The following SLC25A21 variants were observed in gnomAD, a reference collection of about 807,000 sequenced individuals.
The protein encoded by SLC25A21 is solute carrier family 25 member 21, also known as mitochondrial 2-oxodicarboxylate carrier.
In SLC25A21, 47 loss-of-function variants were observed where a neutral mutation model predicts 43.8. The ratio of observed to expected loss-of-function variants is 1.07; its 90% CI spans 0.85 to 1.37. The LOEUF (loss-of-function observed/expected upper bound fraction) is 1.37, where lower values mean the gene tolerates loss of function less well. Ranked by LOEUF, SLC25A21 falls within the 40% of genes most tolerant of loss-of-function variation. SLC25A21 has a pLI of 0.00. For synonymous variants in SLC25A21, 131 were observed against 121.3 expected (o/e 1.08, Z -0.52); for missense variants, 352 against 350.2 (o/e 1.00, Z -0.04).
chr14:37,044,928 G>A (rs902091285), intron 1 of SLC25A21, among the ~76,000 whole-genome samples: 1 of 152,120 alleles, frequency 6.6e-6, no homozygotes, highest in Non-Finnish European at 1.5e-5. Flanking sequence ...TATTCCAACT[G>A]AAGAAATCTT....
intron 3 of SLC25A21, among the ~76,000 whole-genome samples, chr14:36,804,115 G>T (rs1887957511): frequency 6.6e-6 from 1 of 152,132 alleles, no homozygotes; most frequent in Non-Finnish European, 1.5e-5. Flanking sequence ...TGCATTCTTT[G>T]AGTATTGATA....
At chr14:36,958,350 G>T (rs1959396027) in intron 1 of SLC25A21, among the ~76,000 whole-genome samples, 1 of 152,112 alleles carries the variant, frequency 6.6e-6, no homozygotes, top group African/African-American at 2.4e-5. Flanking sequence ...CATGTAATTG[G>T]CATTTATTTC....
At chr14:37,159,067 G>A (rs925221765) in intron 1 of SLC25A21, among the ~76,000 whole-genome samples, 3 of 151,872 alleles carry the variant, frequency 2.0e-5, no homozygotes, top group African/African-American at 4.8e-5. Flanking sequence ...ACAAAACACT[G>A]TAAAAGAAAT....
intron 1 of SLC25A21, among the ~76,000 whole-genome samples, chr14:36,916,406 C>G (rs1277653883): frequency 2.0e-5 from 3 of 152,110 alleles, no homozygotes; most frequent in Admixed American, 2.0e-4. Context: ...TTTTCTCATG[C>G]ATATATAGTT....
intron 1 of SLC25A21, among the ~76,000 whole-genome samples, chr14:36,911,925 C>T (rs12588690): frequency 6.6e-6 from 1 of 152,060 alleles, no homozygotes; most frequent in Non-Finnish European, 1.5e-5. Flanking sequence ...ACTTTCTAGC[C>T]TAAACTGAAG....
intron 1 of SLC25A21, among the ~76,000 whole-genome samples, chr14:37,008,523 T>A (rs1960658560): frequency 6.6e-6 from 1 of 152,174 alleles, no homozygotes; most frequent in Non-Finnish European, 1.5e-5. Context: ...AGGTACCTCC[T>A]CTATAATAAA....
chr14:36,701,023 G>C (rs566658014), intron 7 of SLC25A21, among the ~76,000 whole-genome samples: 19 of 152,242 alleles, frequency 1.2e-4, no homozygotes, highest in African/African-American at 4.3e-4. Flanking sequence ...TTGCATTTTA[G>C]CTATTGTTAG....
At chr14:36,933,646 C>T (rs948760580) in intron 1 of SLC25A21, among the ~76,000 whole-genome samples, 4 of 152,098 alleles carry the variant, frequency 2.6e-5, no homozygotes, top group South Asian at 2.1e-4. Context: ...ACTAATAAAA[C>T]CTTCACCAGC....
At chr14:37,169,939 T>C (rs75905446) in intron 1 of SLC25A21, among the ~76,000 whole-genome samples, 7 of 152,158 alleles carry the variant, frequency 4.6e-5, no homozygotes, top group Non-Finnish European at 8.8e-5. Context: ...TAATTTGCAT[T>C]TATATTAGTT....
At chr14:36,798,061 T>C (rs575075131) in intron 3 of SLC25A21, among the ~76,000 whole-genome samples, 3 of 152,296 alleles carry the variant, frequency 2.0e-5, no homozygotes, top group African/African-American at 7.2e-5. Context: ...ATGGTTCATA[T>C]AGTCGATGGT....
chr14:37,121,972 TC>T (rs1241415711), intron 1 of SLC25A21, among the ~76,000 whole-genome samples: 1 of 47,782 alleles, frequency 2.1e-5, no homozygotes, highest in Non-Finnish European at 1.3e-4. Context: ...TAAACCCATC[TC>T]CCCTGATGAT....
intron 1 of SLC25A21, among the ~76,000 whole-genome samples, chr14:37,018,919 G>A (rs956100194): frequency 1.3e-5 from 2 of 151,908 alleles, no homozygotes; most frequent in African/African-American, 4.8e-5. Flanking sequence ...TGGTTTAAAA[G>A]ATGGAACTAT....
chr14:36,696,706 A>T (rs1343196150), intron 7 of SLC25A21, among the ~76,000 whole-genome samples: 1 of 152,094 alleles, frequency 6.6e-6, no homozygotes, highest in African/African-American at 2.4e-5. Context: ...AGAGGTGTTT[A>T]TAGTATTCTC....
chr14:37,161,597 T>C (rs1426071691), intron 1 of SLC25A21, among the ~76,000 whole-genome samples: 1 of 152,170 alleles, frequency 6.6e-6, no homozygotes, highest in Non-Finnish European at 1.5e-5. Context: ...ATGGTCATAT[T>C]GGATTACAGT....
intron 1 of SLC25A21, among the ~76,000 whole-genome samples, chr14:36,925,247 A>C (rs1892098655): frequency 6.6e-6 from 1 of 152,228 alleles, no homozygotes; most frequent in South Asian, 2.1e-4. Flanking sequence ...AAATAATTAC[A>C]TTAAATGTAA....
At chr14:36,744,968 T>C (rs574455879) in intron 3 of SLC25A21, among the ~76,000 whole-genome samples, 1 of 152,124 alleles carries the variant, frequency 6.6e-6, no homozygotes, top group African/African-American at 2.4e-5. Flanking sequence ...CATTAACTCA[T>C]CATTTACATT....
chr14:36,904,968 T>C (rs1488283793), intron 1 of SLC25A21, among the ~76,000 whole-genome samples: 2 of 152,180 alleles, frequency 1.3e-5, no homozygotes, highest in African/African-American at 4.8e-5. Context: ...GTAGCAAAAC[T>C]GGCCCAGGTA....
chr14:36,867,968 C>G (rs1276814206), intron 2 of SLC25A21, among the ~76,000 whole-genome samples: 2 of 151,838 alleles, frequency 1.3e-5, no homozygotes, highest in Non-Finnish European at 2.9e-5. Flanking sequence ...CAGCCCAACT[C>G]TAGAGCCAAA....
intron 1 of SLC25A21, among the ~76,000 whole-genome samples, chr14:37,016,457 A>G (rs2138747040): frequency 6.6e-6 from 1 of 152,244 alleles, no homozygotes; most frequent in Non-Finnish European, 1.5e-5. Context: ...CTTGTAGCAT[A>G]GTTTGAAGTC....
Sources: allele counts gnomAD v4.1 joint callset (sites outside exome capture counted in the v4.1 genomes callset), GRCh38; gene constraint gnomAD v4.1.1; transcripts MANE v1.5; gene names NCBI Gene and HGNC (gene_info 2026-07-23, HGNC 2026-07-21).